Variants in MDGA2 observed in about 807,000 individuals in gnomAD.
MDGA2 encodes the protein MAM domain containing glycosylphosphatidylinositol anchor 2, also known as MAM domain-containing glycosylphosphatidylinositol anchor protein 2.
MDGA2 carries 40 observed loss-of-function variants against 117.8 expected under a neutral mutation model. The ratio of observed to expected loss-of-function variants is 0.34; its 90% CI spans 0.26 to 0.44. The LOEUF (loss-of-function observed/expected upper bound fraction) is 0.44, where lower values mean the gene tolerates loss of function less well. Ranked by LOEUF, MDGA2 falls within the 20% of genes least tolerant of loss-of-function variation. MDGA2 has a pLI of 1.00. For synonymous variants in MDGA2, 452 were observed against 439.0 expected, an observed-to-expected ratio of 1.03 and a Z score of -0.37; for missense variants, 1,123 against 1,250.6, an observed-to-expected ratio of 0.90 and a Z score of 1.54.
At chr14:46,978,939 G>C (rs966489179) in intron 8 of MDGA2, among the ~76,000 whole-genome samples, 1 of 152,066 alleles carries the variant, frequency 6.6e-6, no homozygotes, top group Non-Finnish European at 1.5e-5. Flanking sequence ...TTGTAACTAT[G>C]TAAAAACATA....
intron 4 of MDGA2, among the ~76,000 whole-genome samples, chr14:47,142,159 T>C (rs189170530): frequency 6.6e-6 from 1 of 152,212 alleles, no homozygotes; most frequent in Admixed American, 6.5e-5. Context: ...GAAATAGCCA[T>C]ATAGCCGGGC....
intron 5 of MDGA2, among the ~76,000 whole-genome samples, chr14:47,115,111 A>T (rs1178389253): frequency 6.6e-6 from 1 of 152,110 alleles, no homozygotes; most frequent in Admixed American, 6.6e-5. Flanking sequence ...TAAAGGGCAG[A>T]TAAAATAAAT....
At chr14:46,968,804 T>A (rs1283444222) in intron 8 of MDGA2, among the ~76,000 whole-genome samples, 3 of 146,752 alleles carry the variant, frequency 2.0e-5, no homozygotes, top group African/African-American at 7.6e-5. Flanking sequence ...GCCACTGCAC[T>A]CCAGCCTAGG....
At chr14:47,193,248 C>G (rs1885176498) in intron 3 of MDGA2, among the ~76,000 whole-genome samples, 1 of 152,168 alleles carries the variant, frequency 6.6e-6, no homozygotes, top group Non-Finnish European at 1.5e-5. Context: ...GCAGAAACAG[C>G]AACTAATAGT....
chr14:46,985,506 G>C (rs1886828364), intron 8 of MDGA2, among the ~76,000 whole-genome samples: 1 of 151,858 alleles, frequency 6.6e-6, no homozygotes, highest in African/African-American at 2.4e-5. Context: ...AAATTTTGTG[G>C]GGGCATACTT....
intron 1 of MDGA2, among the ~76,000 whole-genome samples, chr14:47,474,697 C>G (rs903944874): frequency 6.6e-6 from 1 of 152,126 alleles, no homozygotes; most frequent in African/African-American, 2.4e-5. Context: ...CTACAACTAT[C>G]TGATCTCCGA....
At chr14:47,103,416 T>C (rs1212400086) in intron 5 of MDGA2, among the ~76,000 whole-genome samples, 1 of 152,216 alleles carries the variant, frequency 6.6e-6, no homozygotes, top group Non-Finnish European at 1.5e-5. Context: ...AAACTCAAAA[T>C]AATCTACCCA....
intron 1 of MDGA2, among the ~76,000 whole-genome samples, chr14:47,489,020 G>T (rs1458530290): frequency 2.0e-5 from 3 of 151,806 alleles, no homozygotes; most frequent in Admixed American, 2.0e-4. Context: ...TAATCTTCTT[G>T]TATACCATTC....
chr14:47,359,277 C>A (rs1420436501), intron 1 of MDGA2, among the ~76,000 whole-genome samples: 1 of 152,076 alleles, frequency 6.6e-6, no homozygotes, highest in Non-Finnish European at 1.5e-5. Context: ...TCGCTTGAAC[C>A]CGGGAGGTGA....
intron 2 of MDGA2, among the ~76,000 whole-genome samples, chr14:47,261,498 A>C (rs1887794678): frequency 6.6e-6 from 1 of 152,150 alleles, no homozygotes; most frequent in African/African-American, 2.4e-5. Context: ...AAAGAATGGC[A>C]TATCATAAGA....
chr14:47,603,144 C>A (rs1594939059), intron 1 of MDGA2, among the ~76,000 whole-genome samples: 1 of 152,180 alleles, frequency 6.6e-6, no homozygotes, highest in East Asian at 1.9e-4. Context: ...CTCTAAGTAA[C>A]AACACAGTCT....
intron 1 of MDGA2, among the ~76,000 whole-genome samples, chr14:47,397,143 A>AT (rs780411328): frequency 1.5e-4 from 23 of 152,208 alleles, no homozygotes; most frequent in Middle Eastern, 3.2e-3. Flanking sequence ...ATGGAATACT[A>AT]TGCAGCCAAA....
At chr14:47,112,887 C>T (rs998794808) in intron 5 of MDGA2, among the ~76,000 whole-genome samples, 3 of 152,164 alleles carry the variant, frequency 2.0e-5, no homozygotes, top group African/African-American at 7.2e-5. Context: ...TATTTCTCCA[C>T]AGCCTCACCA....
At chr14:47,474,446 A>G (rs1379610393) in intron 1 of MDGA2, among the ~76,000 whole-genome samples, 1 of 152,098 alleles carries the variant, frequency 6.6e-6, no homozygotes, top group Non-Finnish European at 1.5e-5. Flanking sequence ...CCATTAAACT[A>G]CCACTGACAT....
chr14:47,389,589 AACACACACACACACACCCACAC>A (rs1406554744), intron 1 of MDGA2, among the ~76,000 whole-genome samples: 17 of 130,578 alleles, frequency 1.3e-4, no homozygotes, highest in Non-Finnish European at 2.4e-4. Context: ...TTTGCAGGAA[AACACACACACACACACCCACAC>A]ACACACACAC....
chr14:47,298,304 C>T (rs1296937039), intron 2 of MDGA2, among the ~76,000 whole-genome samples: 1 of 152,026 alleles, frequency 6.6e-6, no homozygotes, highest in Non-Finnish European at 1.5e-5. Flanking sequence ...CATCAATACT[C>T]TCAGGCCACT....
chr14:47,062,788 T>C (rs1417984444), intron 6 of MDGA2, among the ~76,000 whole-genome samples: 1 of 152,068 alleles, frequency 6.6e-6, no homozygotes, highest in Admixed American at 6.6e-5. Flanking sequence ...TAAAAATCTA[T>C]AGAATCATGC....
At chr14:47,296,048 T>C (rs936695998) in intron 2 of MDGA2, among the ~76,000 whole-genome samples, 3 of 152,146 alleles carry the variant, frequency 2.0e-5, no homozygotes, top group African/African-American at 7.2e-5. Context: ...CAGACTAATG[T>C]AATTTTGCTA....
intron 3 of MDGA2, among the ~76,000 whole-genome samples, chr14:47,179,265 T>C (rs904130577): frequency 5.1e-4 from 78 of 152,084 alleles, no homozygotes; most frequent in African/African-American, 1.7e-3. Flanking sequence ...TTTTCATATG[T>C]AATAAAAATA....
Sources: gnomAD v4.1 joint callset for allele counts (sites outside exome capture counted in the v4.1 genomes callset) on GRCh38, gnomAD v4.1.1 for gene constraint, MANE v1.5 for transcripts, NCBI Gene and HGNC (gene_info 2026-07-23, HGNC 2026-07-21) for gene names.